The following SLC22A23 variants were observed in gnomAD, a reference collection of about 807,000 sequenced individuals.
The protein encoded by SLC22A23 is solute carrier family 22 member 23.
Under a neutral mutation model 61.0 loss-of-function variants are expected in SLC22A23, and 26 were observed. The ratio of observed to expected loss-of-function variants is 0.43; its 90% CI spans 0.31 to 0.59. The LOEUF is 0.59. Ranked by LOEUF, SLC22A23 falls within the 20% of genes least tolerant of loss-of-function variation. The pLI is 0.11. For synonymous variants in SLC22A23, 430 were observed against 413.9 expected (o/e 1.04, Z -0.47); for missense variants, 796 against 934.7 (o/e 0.85, Z 1.94).
At chr6:3,355,185 TA>T (rs1201003822) in intron 3 of SLC22A23, among the ~76,000 whole-genome samples, 394 of 135,622 alleles carry the variant, frequency 2.9e-3, no homozygotes, top group Middle Eastern at 3.8e-3. Context: ...CCTCCCCAGC[TA>T]AAAAAAAAAA....
rs1417630627 is a variant in SLC22A23, at chr6:3,271,359, T to C, written c.*1696A>G. The C allele has an allele frequency of 1.3e-5, 2 of 152,324 alleles. No homozygotes were observed. Among genetic ancestry groups the C allele is most frequent in the Non-Finnish European group, 2.9e-5 (2 of 68,050 alleles). The allele number at this position is 152,324 out of a possible 1,614,324, so 9.4% of individuals were successfully genotyped here. A position where few individuals can be genotyped will look rare whatever the true frequency, so the allele number is the denominator to read the frequency against. On this transcript the variant is annotated 3_prime_UTR_variant, in exon 10 of 10. Coordinates refer to ENST00000406686, the MANE Select transcript of SLC22A23 (RefSeq NM_015482.2). ...CACTGGAAACACGTGGCCAAGAGTCTGCTTGCCCCTTGCTGTGTCTTTACA... is the reference window on the plus strand; with the variant it reads ...CACTGGAAACACGTGGCCAAGAGTCCGCTTGCCCCTTGCTGTGTCTTTACA...
At chr6:3,452,241 C>A (rs890879362) in intron 1 of SLC22A23, among the ~76,000 whole-genome samples, 1 of 152,114 alleles carries the variant, frequency 6.6e-6, no homozygotes, top group African/African-American at 2.4e-5. Flanking sequence ...GTACCTGGTT[C>A]TTGTACAGAA....
intron 8 of SLC22A23, 80 bp downstream of exon 8, chr6:3,284,999 A>G (rs780720186): frequency 6.4e-7 from 1 of 1,571,186 alleles, no homozygotes; most frequent in Non-Finnish European, 8.6e-7. Context: ...TGGAAACCAC[A>G]GGTCCGTGAG....
chr6:3,410,086 C>T lies in SLC22A23; in HGVS notation c.913+102G>A. 1.5e-6 allele frequency: 2 copies of T among 1,363,194 alleles called. No homozygotes were observed. Among genetic ancestry groups the T allele is most frequent in the South Asian group, 3.0e-5 (2 of 65,666 alleles). The allele number at this position is 1,363,194 out of a possible 1,614,324, so 84.4% of individuals were successfully genotyped here. On this transcript the variant is annotated intron_variant, in intron 3 of 9. Coordinates refer to ENST00000406686, the MANE Select transcript of SLC22A23 (RefSeq NM_015482.2). This position sits in a 1 kb window ranked among gnomAD's most constrained non-coding sequence, Gnocchi z 5.0. ...AATGTTTGTGTTTCCACAAAACTGC[C>T]AGCCCACACGAGCAGCATGCACAGT...
rs3813485 is a variant in SLC22A23 at position 3,269,887 on chromosome 6, T to C, written c.*3168A>G. 125,546 of 152,786 alleles carry C rather than the reference T, an allele frequency of 0.82. 51,953 individuals are homozygous for C. Among genetic ancestry groups the C allele is most frequent in the Non-Finnish European group, 0.87 (59,008 of 68,024 alleles). 9.5% of individuals were successfully genotyped at this position (152,786 alleles called of 1,614,324 possible). ...TCTAGGAAGCGGTGGTGTCTGAGTG[T>C]GATACTTCCCTTACGAGGTTTGTTT... On this transcript the variant is annotated 3_prime_UTR_variant, in exon 10 of 10. Coordinates refer to ENST00000406686, the MANE Select transcript of SLC22A23 (RefSeq NM_015482.2).
At chr6:3,353,342 AG>A (rs1451691208) in intron 3 of SLC22A23, among the ~76,000 whole-genome samples, 4 of 152,208 alleles carry the variant, frequency 2.6e-5, no homozygotes, top group Non-Finnish European at 5.9e-5. Context: ...CCCAATGAAG[AG>A]GTGCTGCCTG....
intron 2 of SLC22A23, among the ~76,000 whole-genome samples, chr6:3,411,565 C>A (rs191452361): frequency 2.2e-4 from 33 of 152,058 alleles, no homozygotes; most frequent in Admixed American, 1.9e-3. Context: ...TATACTAAAA[C>A]TCATTCCATT....
intron 1 of SLC22A23, among the ~76,000 whole-genome samples, chr6:3,420,048 G>A (rs1275903047): frequency 6.6e-6 from 1 of 152,088 alleles, no homozygotes; most frequent in South Asian, 2.1e-4. Flanking sequence ...GATCATAAAA[G>A]CACTAAAGTC....
chr6:3,426,148 A>G (rs1372150954), intron 1 of SLC22A23, among the ~76,000 whole-genome samples: 1 of 152,244 alleles, frequency 6.6e-6, no homozygotes, highest in African/African-American at 2.4e-5. Flanking sequence ...TCTTTTTTAA[A>G]TAGAATTTTT....
chr6:3,359,355 TA>T (rs1346577564), intron 3 of SLC22A23, among the ~76,000 whole-genome samples: 1 of 152,210 alleles, frequency 6.6e-6, no homozygotes, highest in Non-Finnish European at 1.5e-5. Flanking sequence ...AGGTCACACA[TA>T]TAACTATCCA....
chr6:3,406,341 T>C (rs1426748269), intron 3 of SLC22A23, among the ~76,000 whole-genome samples: 1 of 152,212 alleles, frequency 6.6e-6, no homozygotes, highest in Non-Finnish European at 1.5e-5. Flanking sequence ...TTGTCTGTGA[T>C]ATTATGGATC....
At position 3,456,529 on chromosome 6, in the gene SLC22A23, C is replaced by A; in HGVS notation, c.31G>T (p.Gly11Cys). Residue 11 changes from glycine to cysteine, a missense_variant, in exon 1 of 10, where the codon GGC (glycine) becomes TGC (cysteine). Coordinates refer to ENST00000406686, the MANE Select transcript of SLC22A23 (RefSeq NM_015482.2). This position sits in a 1 kb window ranked among gnomAD's most constrained non-coding sequence, Gnocchi z 7.1. MAIDRRREAA[G>C]GGPGRQPAPA... ...GCCGGCTGCCGCCCAGGCCCGCCGC[C>A]CGCCGCCTCGCGCCGCCGGTCTATG... 1.0e-6 allele frequency: 1 copy of A among 988,736 alleles called. No individual in the cohort carries two copies. Among genetic ancestry groups the A allele is most frequent in the Non-Finnish European group, 1.2e-6 (1 of 833,942 alleles). The allele number at this position is 988,736 out of a possible 1,614,324, so 61.2% of individuals were successfully genotyped here.
chr6:3,394,658 A>G (rs1381215808), intron 3 of SLC22A23, among the ~76,000 whole-genome samples: 1 of 152,148 alleles, frequency 6.6e-6, no homozygotes, highest in African/African-American at 2.4e-5. Flanking sequence ...AGCAAAGCAC[A>G]TCACTTTGTC....
At position 3,269,302 on chromosome 6, in the gene SLC22A23, C is replaced by T. The variant is rs1304779285; in HGVS notation, c.*3753G>A. On this transcript the variant is annotated 3_prime_UTR_variant, in exon 10 of 10. Coordinates refer to ENST00000406686, the MANE Select transcript of SLC22A23 (RefSeq NM_015482.2). ...GTGAGAGGCCTCCCTCCACCCACCT[C>T]GGGGCGAGTGAAGACACAGCTTACA... 5 of 152,316 alleles carry T rather than the reference C, an allele frequency of 3.3e-5. No homozygotes were observed. The highest frequency in any genetic ancestry group is 5.9e-5 in the Non-Finnish European group (4 of 68,036). The allele number at this position is 152,316 out of a possible 1,614,324, so 9.4% of individuals were successfully genotyped here.
intron 5 of SLC22A23, chr6:3,292,122 A>G (rs1466275794): frequency 1.3e-5 from 2 of 152,178 alleles, no homozygotes; most frequent in African/African-American, 2.4e-5. Context: ...CTGTCCAATG[A>G]CTTTGTGCTT....
chr6:3,354,972 C>T (rs1307610754), intron 3 of SLC22A23, among the ~76,000 whole-genome samples: 1 of 151,508 alleles, frequency 6.6e-6, no homozygotes, highest in Non-Finnish European at 1.5e-5. Flanking sequence ...CCTAAAAGCA[C>T]AAGGCATTTG....
intron 9 of SLC22A23, among the ~76,000 whole-genome samples, chr6:3,278,267 C>T (rs762072200): frequency 1.3e-5 from 2 of 152,224 alleles, no homozygotes; most frequent in Non-Finnish European, 2.9e-5. Context: ...CTCATGCAGG[C>T]TGTGACAGGC....
chr6:3,285,257 C>G, intron 7 of SLC22A23, 146 bp from the exon 8 acceptor site: 1 of 1,128,156 alleles, frequency 8.9e-7, no homozygotes, highest in Non-Finnish European at 1.3e-6. Flanking sequence ...TGGGATGGCG[C>G]TGGCCGCCGG....
At chr6:3,357,220 C>T (rs933677057) in intron 3 of SLC22A23, among the ~76,000 whole-genome samples, 1 of 152,200 alleles carries the variant, frequency 6.6e-6, no homozygotes, top group African/African-American at 2.4e-5. Flanking sequence ...CAAACAAACT[C>T]CCTTACCTTA....
Sources: gnomAD v4.1 joint callset for allele counts (sites outside exome capture counted in the v4.1 genomes callset) on GRCh38, gnomAD v4.1.1 for gene constraint, Gnocchi (gnomAD v3.1) non-coding constraint, MANE v1.5 for transcripts, NCBI Gene and HGNC (gene_info 2026-07-23, HGNC 2026-07-21) for gene names.